Variants in PCDH11X observed in about 807,000 individuals in gnomAD.
The protein encoded by PCDH11X is protocadherin 11 X-linked.
Under a neutral mutation model 53.3 loss-of-function variants are expected in PCDH11X, and 18 were observed. The ratio of observed to expected loss-of-function variants is 0.34; its 90% CI spans 0.23 to 0.50. The LOEUF (loss-of-function observed/expected upper bound fraction) is 0.50, where lower values mean the gene tolerates loss of function less well. Ranked by LOEUF, PCDH11X falls within the 20% of genes least tolerant of loss-of-function variation. PCDH11X has a pLI of 0.98. For synonymous variants in PCDH11X, 279 were observed against 393.3 expected (o/e 0.71, Z 3.44); for missense variants, 570 against 1,032.4 (o/e 0.55, Z 6.14).
chrX:92,508,060 C>T (rs1222710038), intron 10 of PCDH11X, among the ~76,000 whole-genome samples: 3 of 110,503 alleles, frequency 2.7e-5, no homozygotes, highest in Admixed American at 9.6e-5. Flanking sequence ...AGTGATCTGC[C>T]GACCTCAGCC....
intron 6 of PCDH11X, among the ~76,000 whole-genome samples, chrX:91,917,743 A>G (rs1403343202): frequency 9.4e-6 from 1 of 106,494 alleles, no homozygotes; most frequent in Non-Finnish European, 1.9e-5. Flanking sequence ...AAATCACCAT[A>G]CTACCAAAAG....
intron 8 of PCDH11X, among the ~76,000 whole-genome samples, chrX:92,386,676 C>G (rs2071018132): frequency 9.3e-6 from 1 of 107,984 alleles, no homozygotes; most frequent in Admixed American, 1.0e-4. Flanking sequence ...TATCCGGCAC[C>G]TGAACTTGAG....
At chrX:92,571,163 T>C (rs1431127825) in intron 10 of PCDH11X, among the ~76,000 whole-genome samples, 2 of 111,212 alleles carry the variant, frequency 1.8e-5, no homozygotes, top group Non-Finnish European at 3.8e-5. Context: ...AGAATGAGTG[T>C]TTTAAATTAG....
At chrX:92,003,615 C>A (rs2062548694) in intron 6 of PCDH11X, among the ~76,000 whole-genome samples, 1 of 95,806 alleles carries the variant, frequency 1.0e-5, no homozygotes, top group African/African-American at 3.9e-5. Context: ...TTGGTTCAAT[C>A]TTGCTAGGTT....
intron 8 of PCDH11X, among the ~76,000 whole-genome samples, chrX:92,266,715 A>T (rs752587029): frequency 9.1e-6 from 1 of 109,995 alleles, no homozygotes; most frequent in East Asian, 2.9e-4. Flanking sequence ...GCCACTTGTA[A>T]TTGAATAGTG....
chrX:91,857,382 T>C (rs1176582902), intron 5 of PCDH11X, among the ~76,000 whole-genome samples: 1 of 111,424 alleles, frequency 9.0e-6, no homozygotes, highest in Non-Finnish European at 1.9e-5. Context: ...TTTCTGCCCC[T>C]GGCCCCTCCC....
intron 10 of PCDH11X, among the ~76,000 whole-genome samples, chrX:92,555,204 C>T (rs1431784809): frequency 9.0e-6 from 1 of 110,779 alleles, no homozygotes; most frequent in Non-Finnish European, 1.9e-5. Context: ...AATTAAGGCC[C>T]ACACAGCAGA....
intron 8 of PCDH11X, among the ~76,000 whole-genome samples, chrX:92,361,587 G>A (rs1016258214): frequency 1.2e-4 from 13 of 110,059 alleles, no homozygotes; most frequent in African/African-American, 4.0e-4. Flanking sequence ...TACTATCCCC[G>A]TTTTACAAAT....
intron 8 of PCDH11X, among the ~76,000 whole-genome samples, chrX:92,269,005 T>G (rs1254965169): frequency 8.9e-6 from 1 of 112,594 alleles, no homozygotes; most frequent in Non-Finnish European, 1.9e-5. Context: ...TGTACATATG[T>G]GCATTCCCTG....
rs1373613693 is a variant in PCDH11X at position 92,618,364 on chromosome X, A to G, written c.3468A>G (p.Ala1156=). The change falls in exon 11 of 11, where the codon GCA becomes GCG. Residue 1156 remains alanine (A), a synonymous_variant. Coordinates refer to ENST00000682573, the MANE Select transcript of PCDH11X (RefSeq NM_032968.5). ...ATTCTGATGCCTGCTGGATGCCGGC[A>G]TCTCTGGATCATTCCAGCTCTTCGC... ...YGHSDACWMP[A]SLDHSSSSQA... 15 of 1,210,065 alleles carry G rather than the reference A, an allele frequency of 1.2e-5. No individual in the cohort carries two copies. Among genetic ancestry groups the G allele is most frequent in the East Asian group, 3.0e-5 (1 of 33,749 alleles).
At position 92,416,606 on chromosome X, in the gene PCDH11X, G is replaced by T. The variant is rs780842845; in HGVS notation, c.3343+28673G>T. On this transcript the variant is annotated intron_variant, in intron 9 of 10. Transcript: ENST00000682573. ...ATTCCCAAATAACTAGAGAAGTGGA[G>T]TTAAAATATTCCTAACACAAAGAAA... 5.4e-5 allele frequency among the ~76,000 whole-genome samples: 6 copies of T among 110,377 alleles called. No individual in the cohort carries two copies. In the South Asian group the frequency reaches 2.3e-3, roughly 42 times the overall value.
chrX:91,784,027 G>T (rs1935251298), intron 1 of PCDH11X, among the ~76,000 whole-genome samples: 1 of 111,997 alleles, frequency 8.9e-6, no homozygotes, highest in African/African-American at 3.2e-5. Flanking sequence ...GTATCTGGAA[G>T]GTCATGCCCT....
chrX:91,875,708 T>C (rs1939579306), intron 5 of PCDH11X, among the ~76,000 whole-genome samples: 1 of 110,637 alleles, frequency 9.0e-6, no homozygotes, highest in African/African-American at 3.3e-5. Flanking sequence ...TTTTAGTTCA[T>C]TGTGCTTGCA....
intron 6 of PCDH11X, among the ~76,000 whole-genome samples, chrX:92,162,410 T>G (rs1192814863): frequency 9.1e-6 from 1 of 110,464 alleles, no homozygotes; most frequent in Non-Finnish European, 1.9e-5. Flanking sequence ...TAGGCTGGTC[T>G]TGAACTCCTG....
chrX:92,321,908 T>C (rs2069223536), intron 8 of PCDH11X, among the ~76,000 whole-genome samples: 1 of 106,783 alleles, frequency 9.4e-6, no homozygotes, highest in Admixed American at 1.0e-4. Context: ...AACCATTATG[T>C]TTTCTTGTTT....
intron 8 of PCDH11X, among the ~76,000 whole-genome samples, chrX:92,339,290 A>T (rs1209021657): frequency 8.9e-6 from 1 of 112,431 alleles, no homozygotes; most frequent in Non-Finnish European, 1.9e-5. Context: ...AAATACTTAA[A>T]TGTAAGACCT....
chrX:91,958,993 A>G (rs1321307830), intron 6 of PCDH11X, among the ~76,000 whole-genome samples: 1 of 105,597 alleles, frequency 9.5e-6, no homozygotes, highest in East Asian at 2.9e-4. Flanking sequence ...CACTGTTCCC[A>G]CTATACAGAT....
In PCDH11X at chrX:91,877,640, C is replaced by T; in HGVS notation, c.1400C>T (p.Thr467Ile). 5.0e-6 allele frequency: 6 copies of T among 1,210,306 alleles called. No homozygotes were observed. The highest frequency in any genetic ancestry group is 5.6e-6 in the Non-Finnish European group (5 of 895,131). ...KDENDNAPVF[T>I]QSFVTVSIPE... ...GAAAATGACAATGCTCCAGTTTTCA[C>T]CCAGTCTTTCGTAACTGTTTCTATT... Residue 467 changes from threonine (T) to isoleucine (I), a missense_variant, in exon 6 of 11, where the codon ACC becomes ATC. Thr to Ile is a moderately conservative substitution (Grantham distance 89). Around this residue, in one of 6 missense-constraint regions of PCDH11X, gnomAD observed 226 missense variants for 457.5 expected, o/e 0.49. Coordinates refer to ENST00000682573, the MANE Select transcript of PCDH11X (RefSeq NM_032968.5).
intron 6 of PCDH11X, among the ~76,000 whole-genome samples, chrX:92,174,813 G>A (rs2065879726): frequency 1.8e-5 from 2 of 111,314 alleles, no homozygotes; most frequent in South Asian, 7.5e-4. Context: ...AAGACCTAGA[G>A]GCTCAACTAT....
Sources: allele counts gnomAD v4.1 joint callset (sites outside exome capture counted in the v4.1 genomes callset), GRCh38; gene constraint gnomAD v4.1.1; regional missense constraint gnomAD v4.1.1; transcripts MANE v1.5; gene names NCBI Gene and HGNC (gene_info 2026-07-23, HGNC 2026-07-21).